Variants in LRRC69 observed in about 807,000 individuals in gnomAD.
The protein encoded by LRRC69 is leucine rich repeat containing 69, also known as leucine-rich repeat-containing protein 69.
In LRRC69, 42 loss-of-function variants were observed where a neutral mutation model predicts 37.8. That is an observed-to-expected ratio of 1.11 (90% CI 0.87 to 1.44). LRRC69 has a LOEUF of 1.44. LRRC69 is among the 40% of genes most tolerant of loss of function. The pLI is 0.00. For synonymous variants in LRRC69, 141 were observed against 143.1 expected, an observed-to-expected ratio of 0.99 and a Z score of 0.11; for missense variants, 357 against 401.9, an observed-to-expected ratio of 0.89 and a Z score of 0.96.
chr8:91,192,610 T>C (rs1364356224), intron 6 of LRRC69, among the ~76,000 whole-genome samples: 1 of 152,126 alleles, frequency 6.6e-6, no homozygotes, highest in Admixed American at 6.5e-5. Context: ...TGATGAGCAT[T>C]TTTTCATGTG....
chr8:91,157,344 C>A (rs1006347488), intron 5 of LRRC69: 3 of 1,608,440 alleles, frequency 1.9e-6, no homozygotes, highest in Admixed American at 1.7e-5. Flanking sequence ...AATGGACTGT[C>A]CCCAAAGAAG....
At chr8:91,126,011 G>T (rs147681428) in intron 2 of LRRC69, among the ~76,000 whole-genome samples, 1 of 151,804 alleles carries the variant, frequency 6.6e-6, no homozygotes, top group East Asian at 1.9e-4. Flanking sequence ...TCATTTCTTC[G>T]AGTTGGGAAC....
chr8:91,113,764 AAAG>A (rs1813452795), intron 1 of LRRC69, among the ~76,000 whole-genome samples: 1 of 151,818 alleles, frequency 6.6e-6, no homozygotes, highest in South Asian at 2.1e-4. Context: ...ATCAGAATAA[AAAG>A]GCATTCTACA....
intron 6 of LRRC69, among the ~76,000 whole-genome samples, chr8:91,199,306 C>T (rs1049182381): frequency 1.3e-5 from 2 of 152,190 alleles, no homozygotes; most frequent in Admixed American, 1.3e-4. Context: ...TGACCTCAGT[C>T]ATGCAACCAC....
chr8:91,197,389 C>T (rs1456451478), intron 6 of LRRC69, among the ~76,000 whole-genome samples: 2 of 152,230 alleles, frequency 1.3e-5, no homozygotes, highest in Admixed American at 6.5e-5. Flanking sequence ...GCTTCCCCGG[C>T]TGCTTTGTTT....
intron 1 of LRRC69, among the ~76,000 whole-genome samples, chr8:91,104,961 G>A (rs1813283039): frequency 6.6e-6 from 1 of 151,932 alleles, no homozygotes; most frequent in Admixed American, 6.6e-5. Context: ...TCTTCTTGTG[G>A]CTCCCTTTGT....
chr8:91,153,187 C>G (rs1808771915), intron 5 of LRRC69, among the ~76,000 whole-genome samples: 1 of 151,306 alleles, frequency 6.6e-6, no homozygotes, highest in African/African-American at 2.4e-5. Context: ...TATATATGCA[C>G]CCAATACAGG....
intron 7 of LRRC69, 96 bp downstream of exon 7, chr8:91,200,888 G>A: frequency 1.7e-6 from 2 of 1,184,634 alleles, no homozygotes; most frequent in Non-Finnish European, 2.3e-6. Flanking sequence ...TTGTACCTAT[G>A]ATTGGCTTAT....
intron 5 of LRRC69, among the ~76,000 whole-genome samples, chr8:91,175,160 A>G (rs761308426): frequency 6.6e-6 from 1 of 152,082 alleles, no homozygotes; most frequent in Non-Finnish European, 1.5e-5. Flanking sequence ...AAAGTTACAC[A>G]GGGAGGAGTA....
chr8:91,104,749 G>T (rs951809853), intron 1 of LRRC69, among the ~76,000 whole-genome samples: 1 of 151,920 alleles, frequency 6.6e-6, no homozygotes, highest in African/African-American at 2.4e-5. Context: ...TTCTTGGCTT[G>T]CTCTCTTAGT....
chr8:91,114,559 T>C (rs975194868), intron 1 of LRRC69, among the ~76,000 whole-genome samples: 1 of 152,086 alleles, frequency 6.6e-6, no homozygotes, highest in Non-Finnish European at 1.5e-5. Context: ...TTATACGGTA[T>C]TCTTACTGTA....
intron 6 of LRRC69, among the ~76,000 whole-genome samples, chr8:91,197,439 A>G (rs1216068167): frequency 6.6e-6 from 1 of 151,716 alleles, no homozygotes; most frequent in African/African-American, 2.4e-5. Flanking sequence ...CCCCTCCCCC[A>G]GCCTCGCTGC....
At chr8:91,211,616 A>T (rs189931892) in intron 7 of LRRC69, among the ~76,000 whole-genome samples, 17,689 of 137,134 alleles carry the variant, frequency 0.13, 1,275 homozygotes, top group African/African-American at 0.22. Flanking sequence ...ATATATATAT[A>T]TTTTTTTTTT....
chr8:91,191,038 CA>C (rs1483637411), intron 6 of LRRC69, among the ~76,000 whole-genome samples: 34 of 83,878 alleles, frequency 4.1e-4, no homozygotes, highest in South Asian at 1.0e-3. Context: ...GATCCTGTCT[CA>C]AACCCCCCCC....
At chr8:91,108,656 G>A (rs1044093692) in intron 1 of LRRC69, among the ~76,000 whole-genome samples, 7 of 151,936 alleles carry the variant, frequency 4.6e-5, no homozygotes, top group African/African-American at 7.2e-5. Flanking sequence ...GGCCACATGC[G>A]GCCCAGGACG....
At chr8:91,133,290 T>C (rs1813842940) in exon 4 of LRRC69, 1 of 1,505,234 alleles carries the variant, frequency 6.6e-7, no homozygotes. Flanking sequence ...GAAACAACAT[T>C]GGAGTTTTGC....
At chr8:91,210,562 GACACACAC>G (rs35968986) in intron 7 of LRRC69, among the ~76,000 whole-genome samples, 63,348 of 146,072 alleles carry the variant, frequency 0.43, 15,315 homozygotes, top group South Asian at 0.64. Flanking sequence ...CACACACACA[GACACACAC>G]ACACACACAC....
At chr8:91,161,622 G>A (rs1168194230) in intron 5 of LRRC69, among the ~76,000 whole-genome samples, 4 of 151,192 alleles carry the variant, frequency 2.6e-5, no homozygotes, top group African/African-American at 7.3e-5. Flanking sequence ...TTTGCGTTCT[G>A]TGATATTAAT....
intron 5 of LRRC69, among the ~76,000 whole-genome samples, chr8:91,184,378 A>C (rs763518050): frequency 6.6e-6 from 1 of 152,188 alleles, no homozygotes; most frequent in Non-Finnish European, 1.5e-5. Flanking sequence ...TTCCTATAAG[A>C]ATTACTCAAA....
Sources: gnomAD v4.1 joint callset for allele counts (sites outside exome capture counted in the v4.1 genomes callset) on GRCh38, gnomAD v4.1.1 for gene constraint, MANE v1.5 for transcripts, NCBI Gene and HGNC (gene_info 2026-07-23, HGNC 2026-07-21) for gene names.